CAMTA1: variants seen among roughly 807,000 people sequenced by gnomAD.
The protein encoded by CAMTA1 is calmodulin binding transcription activator 1.
In CAMTA1, 27 loss-of-function variants were observed where a neutral mutation model predicts 170.9. That is an observed-to-expected ratio of 0.16 (90% confidence interval 0.12 to 0.22). CAMTA1 has a LOEUF of 0.22. Among genes scored for constraint, CAMTA1 ranks in the 10% least tolerant of loss-of-function variants. The pLI, the probability that CAMTA1 is intolerant of heterozygous loss-of-function variation, is 1.00. For missense variants in CAMTA1, 1,619 were observed against 2,217.2 expected (o/e 0.73, Z 5.42); for synonymous variants, 833 against 891.5 (o/e 0.93, Z 1.17).
At chr1:7,436,584 GGGTCCCTCCTTGCCAGGGCCT>G (rs1278976667) in intron 5 of CAMTA1, among the ~76,000 whole-genome samples, 1 of 152,156 alleles carries the variant, frequency 6.6e-6, no homozygotes, top group African/African-American at 2.4e-5. Context: ...GGTCGGTAAG[GGGTCCCTCCTTGCCAGGGCCT>G]GGTCCCTCCT....
intron 3 of CAMTA1, among the ~76,000 whole-genome samples, chr1:6,828,894 T>G (rs1382736625): frequency 1.4e-5 from 2 of 144,020 alleles, no homozygotes; most frequent in East Asian, 4.0e-4. Context: ...AACGTAGTTT[T>G]TTTTTTTTTT....
At chr1:7,728,951 CTGAG>C (rs2096711688) in intron 11 of CAMTA1, among the ~76,000 whole-genome samples, 1 of 152,154 alleles carries the variant, frequency 6.6e-6, no homozygotes, top group Admixed American at 6.5e-5. Flanking sequence ...GAAGTTGCCA[CTGAG>C]TGAGACACTT....
chr1:6,911,818 G>C (rs555794016), intron 3 of CAMTA1, among the ~76,000 whole-genome samples: 9 of 152,328 alleles, frequency 5.9e-5, no homozygotes, highest in Admixed American at 3.9e-4. Flanking sequence ...CTCGCTTGCT[G>C]TCTGCGGGCT....
intron 10 of CAMTA1, 105 bp from the exon 11 acceptor site, chr1:7,677,494 A>T: frequency 7.8e-7 from 1 of 1,278,122 alleles, no homozygotes; most frequent in Non-Finnish European, 1.1e-6. Flanking sequence ...GCTGGACATT[A>T]ACCAATGAAG....
chr1:6,854,402 G>A (rs1167188063), intron 3 of CAMTA1, among the ~76,000 whole-genome samples: 1 of 152,168 alleles, frequency 6.6e-6, no homozygotes, highest in Non-Finnish European at 1.5e-5. Flanking sequence ...GTACATCTTT[G>A]TGTAAGTACG....
At chr1:7,554,910 A>G (rs2094855964) in intron 6 of CAMTA1, among the ~76,000 whole-genome samples, 1 of 151,970 alleles carries the variant, frequency 6.6e-6, no homozygotes, top group South Asian at 2.1e-4. Flanking sequence ...AAATCTGAGA[A>G]CTGAATTTTT....
In CAMTA1 at chr1:7,548,200, A is replaced by C. The variant is rs558166122; in HGVS notation, c.510+80299A>C. On this transcript the variant is annotated intron_variant, in intron 6 of 22. Coordinates refer to ENST00000303635, the MANE Select transcript of CAMTA1 (RefSeq NM_015215.4). ...TGCCCTGTATGGGTACTGAGGAAGCACAGTTCTGGGTCTGCTCTGTGGTTT... is the reference window on the plus strand; with the variant it reads ...TGCCCTGTATGGGTACTGAGGAAGCCCAGTTCTGGGTCTGCTCTGTGGTTT... 3.0e-3 allele frequency among the ~76,000 whole-genome samples: 455 copies of C among 152,334 alleles called. 2 individuals are homozygous for C. Among genetic ancestry groups the C allele is most frequent in the African/African-American group, 0.01 (435 of 41,574 alleles).
Position 7,496,118 on chromosome 1 carries a change from T to C in CAMTA1, c.510+28217T>C, listed in dbSNP as rs561837757. Among the ~76,000 whole-genome samples the C allele has an allele frequency of 5.9e-5, 9 of 152,280 alleles. No homozygotes were observed. In the East Asian group the frequency reaches 1.7e-3, roughly 29 times the overall value. On this transcript the variant is annotated intron_variant, in intron 6 of 22. Transcript: ENST00000303635. ...AGCCGCCAGGACCCAGAGGGCCGGCTCAGAGCTGTGTGGCCATCCTCTCCC... is the reference window on the plus strand; with the variant it reads ...AGCCGCCAGGACCCAGAGGGCCGGCCCAGAGCTGTGTGGCCATCCTCTCCC...
chr1:7,082,715 T>C (rs1047515611), intron 3 of CAMTA1, among the ~76,000 whole-genome samples: 1 of 152,198 alleles, frequency 6.6e-6, no homozygotes, highest in Non-Finnish European at 1.5e-5. Flanking sequence ...CTTTCACTTA[T>C]GCTCTTTCCC....
chr1:7,540,669 G>A (rs17031077), intron 6 of CAMTA1, among the ~76,000 whole-genome samples: 2,300 of 152,280 alleles, frequency 0.015, 61 homozygotes, highest in African/African-American at 0.053. Flanking sequence ...CTGGACGTAT[G>A]GGCCTAATTG....
intron 3 of CAMTA1, among the ~76,000 whole-genome samples, chr1:7,023,231 G>A (rs547368416): frequency 1.3e-5 from 2 of 152,312 alleles, no homozygotes; most frequent in African/African-American, 4.8e-5. Flanking sequence ...CAGAAACTCC[G>A]AGCTGAGAAC....
In CAMTA1 at chr1:7,738,616, G is replaced by A. The variant is rs1348349508; in HGVS notation, c.4182+134G>A. The A allele has an allele frequency of 1.4e-5, 13 of 934,726 alleles. No individual in the cohort carries two copies. Among genetic ancestry groups the A allele is most frequent in the South Asian group, 7.0e-5 (4 of 56,942 alleles). 57.9% of individuals were successfully genotyped at this position (934,726 alleles called of 1,614,324 possible). On this transcript the variant is annotated intron_variant, in intron 16 of 22. Transcript: ENST00000303635. This position sits in a 1 kb window ranked among gnomAD's most constrained non-coding sequence, Gnocchi z 4.9. ...CGAAGTTGGCTTTGTGCAGAACATCGTTGGAGTATCTTCTTTCCTTGGGGC... is the reference window on the plus strand; with the variant it reads ...CGAAGTTGGCTTTGTGCAGAACATCATTGGAGTATCTTCTTTCCTTGGGGC...
At chr1:7,458,210 A>G (rs1288567500) in intron 5 of CAMTA1, among the ~76,000 whole-genome samples, 1 of 152,138 alleles carries the variant, frequency 6.6e-6, no homozygotes, top group Non-Finnish European at 1.5e-5. Context: ...GTGTCCCTCC[A>G]GGGTGTGCAC....
At chr1:7,747,524 A>G (rs1379067555) in intron 18 of CAMTA1, among the ~76,000 whole-genome samples, 186 bp from the exon 19 acceptor site, 1 of 152,232 alleles carries the variant, frequency 6.6e-6, no homozygotes, top group East Asian at 1.9e-4. Context: ...TTTTATTTAG[A>G]AGCAAGGATA....
intron 4 of CAMTA1, among the ~76,000 whole-genome samples, chr1:7,151,861 C>A (rs55790280): frequency 6.6e-6 from 1 of 152,190 alleles, no homozygotes; most frequent in Non-Finnish European, 1.5e-5. Flanking sequence ...TCAGCCAGCT[C>A]TGATTGGATT....
Position 7,463,774 on chromosome 1 carries a change from G to A in CAMTA1, c.439-4056G>A, listed in dbSNP as rs554992273. Among the ~76,000 whole-genome samples the A allele has an allele frequency of 2.0e-5, 3 of 152,296 alleles. No individual in the cohort carries two copies. The South Asian group carries it at 6.2e-4, about 32-fold the overall frequency. On this transcript the variant is annotated intron_variant, in intron 5 of 22. Coordinates refer to ENST00000303635, the MANE Select transcript of CAMTA1 (RefSeq NM_015215.4). The surrounding 1 kb of genome is among the most constrained non-coding windows in gnomAD (Gnocchi z 4.7). ...CACAACATACCAACCTATAAGTGAT[G>A]TGCTTCCTTCTTGGGCCACTAAGCC... is the stretch of plus-strand genomic sequence containing the variant.
At chr1:7,494,933 C>T (rs968164572) in intron 6 of CAMTA1, among the ~76,000 whole-genome samples, 1 of 152,190 alleles carries the variant, frequency 6.6e-6, no homozygotes, top group Non-Finnish European at 1.5e-5. Flanking sequence ...GCTGACCCTT[C>T]CCTCCTGTTC....
At chr1:7,703,364 A>G (rs1183421508) in intron 11 of CAMTA1, among the ~76,000 whole-genome samples, 1 of 152,136 alleles carries the variant, frequency 6.6e-6, no homozygotes, top group Non-Finnish European at 1.5e-5. Context: ...CAGGATTGGA[A>G]TATGTACTGG....
chr1:7,396,992 A>G (rs905669551), intron 5 of CAMTA1, among the ~76,000 whole-genome samples: 1 of 152,162 alleles, frequency 6.6e-6, no homozygotes, highest in Admixed American at 6.5e-5. Flanking sequence ...TGGTTTTGGT[A>G]TCAGGGTAAT....
Sources: allele counts gnomAD v4.1 joint callset (sites outside exome capture counted in the v4.1 genomes callset), GRCh38; gene constraint gnomAD v4.1.1; non-coding constraint Gnocchi (gnomAD v3.1); transcripts MANE v1.5; gene names NCBI Gene and HGNC (gene_info 2026-07-23, HGNC 2026-07-21).